The following AUTS2 variants were observed in gnomAD, a reference collection of about 807,000 sequenced individuals.
AUTS2 encodes activator of transcription and developmental regulator AUTS2.
A neutral mutation model predicts 112.4 loss-of-function variants in AUTS2; 17 were observed. That is an observed-to-expected ratio of 0.15 (90% CI 0.10 to 0.23). AUTS2 has a LOEUF of 0.23. Among genes scored for constraint, AUTS2 ranks in the 10% least tolerant of loss-of-function variants. The pLI is 1.00. For missense variants in AUTS2, 1,510 were observed against 1,701.6 expected, an observed-to-expected ratio of 0.89 and a Z score of 1.98; for synonymous variants, 751 against 702.7, an observed-to-expected ratio of 1.07 and a Z score of -1.09.
intron 1 of AUTS2, among the ~76,000 whole-genome samples, chr7:69,795,739 A>G (rs1375958760): frequency 6.6e-6 from 1 of 152,180 alleles, no homozygotes; most frequent in African/African-American, 2.4e-5. Flanking sequence ...AATCAGAAAT[A>G]TTTGCATATT....
At chr7:70,630,267 T>C (rs937351297) in intron 5 of AUTS2, among the ~76,000 whole-genome samples, 4 of 151,938 alleles carry the variant, frequency 2.6e-5, no homozygotes, top group African/African-American at 9.7e-5. Flanking sequence ...ATCAATATGC[T>C]GACAGGCCTT....
intron 1 of AUTS2, among the ~76,000 whole-genome samples, chr7:69,735,621 C>T (rs1027297735): frequency 2.0e-5 from 3 of 152,146 alleles, no homozygotes. Context: ...CCCCTTTTCT[C>T]CCCAGAGCTA....
At chr7:70,295,357 G>T (rs569394497) in intron 4 of AUTS2, among the ~76,000 whole-genome samples, 17 of 152,282 alleles carry the variant, frequency 1.1e-4, no homozygotes, top group African/African-American at 4.1e-4. Context: ...CCCACTGGAG[G>T]CCACAATCTT....
intron 5 of AUTS2, among the ~76,000 whole-genome samples, chr7:70,530,351 T>A (rs1055294431): frequency 6.6e-6 from 1 of 152,090 alleles, no homozygotes; most frequent in African/African-American, 2.4e-5. Context: ...AGATAGTCTG[T>A]GGGTGTTACG....
intron 2 of AUTS2, among the ~76,000 whole-genome samples, chr7:70,006,676 C>T (rs1393967514): frequency 6.6e-6 from 1 of 152,102 alleles, no homozygotes; most frequent in Non-Finnish European, 1.5e-5. Flanking sequence ...AAGAAGTTTG[C>T]GGTGTGGTAC....
At chr7:69,726,840 G>A (rs1786541552) in intron 1 of AUTS2, among the ~76,000 whole-genome samples, 2 of 151,794 alleles carry the variant, frequency 1.3e-5, no homozygotes, top group Admixed American at 1.3e-4. Flanking sequence ...GTGTGGTCAA[G>A]TTTTTTTTGA....
intron 4 of AUTS2, among the ~76,000 whole-genome samples, chr7:70,313,465 G>C (rs756971195): frequency 9.9e-5 from 15 of 152,164 alleles, no homozygotes; most frequent in Non-Finnish European, 2.1e-4. Context: ...TGTTCTAACA[G>C]TAAACATGCT....
At chr7:70,104,004 G>A (rs1804635983) in intron 2 of AUTS2, among the ~76,000 whole-genome samples, 2 of 151,844 alleles carry the variant, frequency 1.3e-5, no homozygotes, top group African/African-American at 4.8e-5. Context: ...CAGCTTAATG[G>A]TAATTGATCA....
At chr7:69,785,934 G>A (rs1377625951) in intron 1 of AUTS2, among the ~76,000 whole-genome samples, 4 of 152,116 alleles carry the variant, frequency 2.6e-5, no homozygotes, top group Non-Finnish European at 4.4e-5. Flanking sequence ...AGGTTCAAAC[G>A]ATTCTCCTGC....
At chr7:69,796,830 T>A (rs1189274851) in intron 1 of AUTS2, among the ~76,000 whole-genome samples, 2 of 152,232 alleles carry the variant, frequency 1.3e-5, no homozygotes, top group Non-Finnish European at 2.9e-5. Context: ...ATTATTAATG[T>A]TAAATATATT....
rs879791608 is a variant in AUTS2, at chr7:70,760,008, AT to A, written c.743-2847del. On this transcript the variant is annotated intron_variant, in intron 6 of 18. Coordinates refer to ENST00000342771, the MANE Select transcript of AUTS2 (RefSeq NM_015570.4). Reference sequence around the variant, plus strand: ...GGAGAAAACAGAGTAATACAAAAAGATTTTTTTTTTTTTTTGAGACGGAGTC... The same window carrying A: ...GGAGAAAACAGAGTAATACAAAAAGATTTTTTTTTTTTTTGAGACGGAGTC... Among the ~76,000 whole-genome samples, 667 of 143,970 alleles carry A rather than the reference AT, an allele frequency of 4.6e-3. 4 individuals carry two copies. Among genetic ancestry groups the A allele is most frequent in the African/African-American group, 9.6e-3 (379 of 39,436 alleles). 94.4% of individuals were successfully genotyped at this position (143,970 alleles called of 152,430 possible). A position where few individuals can be genotyped will look rare whatever the true frequency, so the allele number is the denominator to read the frequency against.
intron 1 of AUTS2, among the ~76,000 whole-genome samples, chr7:69,785,522 A>G (rs1348436778): frequency 6.6e-6 from 1 of 152,238 alleles, no homozygotes; most frequent in Non-Finnish European, 1.5e-5. Context: ...TGAGTGATGA[A>G]TAAGACATAA....
intron 1 of AUTS2, among the ~76,000 whole-genome samples, chr7:69,735,117 C>T (rs2129237526): frequency 6.6e-6 from 1 of 152,280 alleles, no homozygotes; most frequent in African/African-American, 2.4e-5. Context: ...AAGTCTCTTA[C>T]CCAGTCTGAT....
chr7:69,671,550 G>T (rs1796332164), intron 1 of AUTS2, among the ~76,000 whole-genome samples: 1 of 151,350 alleles, frequency 6.6e-6, no homozygotes, highest in African/African-American at 2.4e-5. Flanking sequence ...TTGTGTCTCT[G>T]TGCCTTTGTC....
At chr7:69,898,337 C>T (rs925219558) in intron 1 of AUTS2, among the ~76,000 whole-genome samples, 1 of 152,130 alleles carries the variant, frequency 6.6e-6, no homozygotes, top group Non-Finnish European at 1.5e-5. Flanking sequence ...AAAACATTTT[C>T]ATTTTATTGC....
At chr7:70,740,689 A>G (rs1585605681) in intron 6 of AUTS2, among the ~76,000 whole-genome samples, 1 of 152,124 alleles carries the variant, frequency 6.6e-6, no homozygotes, top group Non-Finnish European at 1.5e-5. Flanking sequence ...TTGAATATAT[A>G]CATTTATATT....
chr7:70,049,138 A>G (rs1389134534), intron 2 of AUTS2, among the ~76,000 whole-genome samples: 1 of 152,176 alleles, frequency 6.6e-6, no homozygotes, highest in Admixed American at 6.5e-5. Context: ...CGACACTCCC[A>G]TCATGCATTA....
intron 2 of AUTS2, among the ~76,000 whole-genome samples, chr7:69,926,485 A>G (rs1391130578): frequency 1.3e-5 from 2 of 150,144 alleles, no homozygotes; most frequent in East Asian, 3.9e-4. Context: ...CTATCTATCT[A>G]TCTATCTGCC....
intron 5 of AUTS2, among the ~76,000 whole-genome samples, chr7:70,460,845 A>G (rs942567468): frequency 1.3e-5 from 2 of 152,174 alleles, no homozygotes; most frequent in Admixed American, 6.5e-5. Flanking sequence ...AAATGCCTGC[A>G]TGGTGCCTTG....
Sources: allele counts gnomAD v4.1 joint callset (sites outside exome capture counted in the v4.1 genomes callset), GRCh38; gene constraint gnomAD v4.1.1; transcripts MANE v1.5; gene names NCBI Gene and HGNC (gene_info 2026-07-23, HGNC 2026-07-21).